The following BET1 variants were observed in gnomAD, a reference collection of about 807,000 sequenced individuals.
BET1 encodes BET1 homolog.
Under a neutral mutation model 13.9 loss-of-function variants are expected in BET1, and 9 were observed. The ratio of observed to expected loss-of-function variants is 0.65; its 90% CI spans 0.39 to 1.13. The LOEUF (loss-of-function observed/expected upper bound fraction) is 1.13. BET1 is among the 50% of genes most tolerant of loss of function. The pLI, the probability that BET1 is intolerant of heterozygous loss-of-function variation, is 0.01. For missense variants in BET1, 127 were observed against 133.6 expected (o/e 0.95, Z 0.24); for synonymous variants, 39 against 47.3 (o/e 0.82, Z 0.72).
Position 93,993,290 on chromosome 7 carries a change from T to C in BET1, c.*940A>G. ...TATTTAAAAATTTACTTTTGAAGCC[T>C]ATAAATGGATAAATTCCAAAATACA... On this transcript the variant is annotated 3_prime_UTR_variant, in exon 4 of 4. Coordinates refer to ENST00000222547, the MANE Select transcript of BET1 (RefSeq NM_005868.6). 1 of 930,520 alleles carries C rather than the reference T, an allele frequency of 1.1e-6. No individual in the cohort carries two copies. The highest frequency in any genetic ancestry group is 5.6e-4 in the Middle Eastern group (1 of 1,780). 57.6% of individuals were successfully genotyped at this position (930,520 alleles called of 1,614,324 possible).
At chr7:93,987,783 G>A (rs1169781676) in intron 4 of BET1, among the ~76,000 whole-genome samples, 1 of 152,184 alleles carries the variant, frequency 6.6e-6, no homozygotes, top group African/African-American at 2.4e-5. Context: ...AATTTTGATG[G>A]AAGAGGAAGA....
At chr7:93,973,134 T>A (rs1795284653) in intron 5 of BET1, among the ~76,000 whole-genome samples, 1 of 151,920 alleles carries the variant, frequency 6.6e-6, no homozygotes, top group African/African-American at 2.4e-5. Context: ...TGAAGTATAG[T>A]TAACAGATAT....
At chr7:93,963,309 C>A (rs999784192) in exon 7 of BET1, 3 of 152,014 alleles carry the variant, frequency 2.0e-5, no homozygotes, top group African/African-American at 7.2e-5. Flanking sequence ...TTATAAATTA[C>A]CCAGTCTCAG....
At chr7:93,991,643 G>C (rs1297403170), downstream of BET1, 2 of 242,042 alleles carry the variant, frequency 8.3e-6, no homozygotes, top group Admixed American at 1.3e-4. Flanking sequence ...TTTTATTCCT[G>C]TTTTACAAAC....
At chr7:93,976,165 A>G in intron 4 of BET1, 2 of 1,068,150 alleles carry the variant, frequency 1.9e-6, no homozygotes, top group Non-Finnish European at 2.4e-6. Context: ...AACAACATTT[A>G]AAGTAGAAGT....
At chr7:93,987,949 T>C (rs912407156) in intron 4 of BET1, among the ~76,000 whole-genome samples, 11 of 152,180 alleles carry the variant, frequency 7.2e-5, no homozygotes, top group South Asian at 2.1e-4. Context: ...TAATTTTTGG[T>C]CCCCAATTAA....
rs999423529 is a variant in BET1, at chr7:93,965,745, T to C, written c.*138-58A>G. 3.9e-5 allele frequency: 6 copies of C among 152,054 alleles called. No homozygotes were observed. In the East Asian group the frequency reaches 1.2e-3, roughly 29 times the overall value. 9.4% of individuals were successfully genotyped at this position (152,054 alleles called of 1,614,324 possible). ...GTAATAAAATATGCTAATTTGAAGC[T>C]TAAAATATATTATTGAAACTCAGCA... On this transcript the variant is annotated intron_variant and NMD_transcript_variant, in intron 6 of 6. Coordinates refer to the BET1 transcript ENST00000357520.
chr7:93,988,990 A>G (rs1439963394), downstream of BET1, among the ~76,000 whole-genome samples: 1 of 148,160 alleles, frequency 6.7e-6, no homozygotes, highest in African/African-American at 2.5e-5. Context: ...ATAAATATAT[A>G]AAATATATAT....
intron 3 of BET1, among the ~76,000 whole-genome samples, chr7:93,994,615 C>A (rs929520502): frequency 9.2e-5 from 14 of 152,188 alleles, no homozygotes; most frequent in Non-Finnish European, 1.8e-4. Flanking sequence ...ATAAACACTT[C>A]TTTCAGCTCC....
At chr7:93,977,610 C>T (rs1291560821) in intron 4 of BET1, among the ~76,000 whole-genome samples, 4 of 152,092 alleles carry the variant, frequency 2.6e-5, no homozygotes, top group Non-Finnish European at 5.9e-5. Context: ...CAGACCTCAG[C>T]TCTCCGTTTC....
intron 4 of BET1, among the ~76,000 whole-genome samples, chr7:93,981,030 T>A (rs937580153): frequency 6.6e-6 from 1 of 152,222 alleles, no homozygotes; most frequent in Non-Finnish European, 1.5e-5. Context: ...TTTTAGACAG[T>A]TTCTTCAATT....
At chr7:93,971,015 T>C (rs1795251441) in intron 6 of BET1, among the ~76,000 whole-genome samples, 1 of 151,790 alleles carries the variant, frequency 6.6e-6, no homozygotes, top group African/African-American at 2.4e-5. Context: ...GAATTACTTA[T>C]AATAGCAAGT....
chr7:93,999,396 C>A, intron 1 of BET1, 102 bp from the exon 2 acceptor site: 1 of 1,386,176 alleles, frequency 7.2e-7, no homozygotes. Flanking sequence ...CCTTGCAAAC[C>A]ACATATGTCT....
At chr7:93,963,415 G>A (rs1193307639) in exon 7 of BET1, 1 of 151,936 alleles carries the variant, frequency 6.6e-6, no homozygotes, top group Non-Finnish European at 1.5e-5. Context: ...CATGCATGCT[G>A]AATCTAGTAG....
intron 5 of BET1, among the ~76,000 whole-genome samples, chr7:93,972,865 A>C (rs939837011): frequency 1.3e-4 from 20 of 148,772 alleles, no homozygotes; most frequent in African/African-American, 3.7e-4. Context: ...TTCTTCTATC[A>C]TCTGCCCTTC....
At chr7:93,967,535 G>T (rs1795194317) in intron 6 of BET1, among the ~76,000 whole-genome samples, 1 of 151,794 alleles carries the variant, frequency 6.6e-6, no homozygotes, top group South Asian at 2.1e-4. Flanking sequence ...ATATGTAAAT[G>T]ACAGGTTTTT....
At chr7:93,981,986 C>T (rs1385796601) in intron 4 of BET1, among the ~76,000 whole-genome samples, 1 of 152,126 alleles carries the variant, frequency 6.6e-6, no homozygotes, top group East Asian at 1.9e-4. Flanking sequence ...TCTGGTATGA[C>T]ACAGAGTCTG....
downstream of BET1, chr7:93,991,901 T>C: frequency 1.0e-6 from 1 of 977,556 alleles, no homozygotes; most frequent in Non-Finnish European, 1.2e-6. Flanking sequence ...GTAAATTCAA[T>C]ATATCTAACT....
chr7:93,985,898 C>T (rs1562803612), intron 4 of BET1, among the ~76,000 whole-genome samples: 1 of 152,150 alleles, frequency 6.6e-6, no homozygotes, highest in South Asian at 2.1e-4. Context: ...AACACACAGC[C>T]AAGGACCTAG....
Sources: allele counts gnomAD v4.1 joint callset (sites outside exome capture counted in the v4.1 genomes callset), GRCh38; gene constraint gnomAD v4.1.1; transcripts MANE v1.5; gene names NCBI Gene and HGNC (gene_info 2026-07-23, HGNC 2026-07-21).